The following THOC2 variants were observed in gnomAD, a reference collection of about 807,000 sequenced individuals.
THOC2 encodes the protein THO complex subunit 2, also known as THO complex 2.
THOC2 carries 10 observed loss-of-function variants against 128.4 expected under a neutral mutation model. The observed-to-expected ratio is 0.08, with a 90% confidence interval of 0.05 to 0.13. The LOEUF is 0.13. THOC2 is among the 10% of genes least tolerant of loss of function. THOC2 has a pLI of 1.00. For missense variants in THOC2, 535 were observed against 1,155.7 expected, an observed-to-expected ratio of 0.46 and a Z score of 7.79; for synonymous variants, 393 against 396.9, an observed-to-expected ratio of 0.99 and a Z score of 0.12.
intron 12 of THOC2, among the ~76,000 whole-genome samples, chrX:123,650,199 G>C (rs1351863335): frequency 9.0e-6 from 1 of 111,639 alleles, no homozygotes; most frequent in Non-Finnish European, 1.9e-5. Flanking sequence ...TTCATATCCA[G>C]CCAAACTAAG....
intron 4 of THOC2, among the ~76,000 whole-genome samples, chrX:123,698,457 CAAAA>C (rs763092017): frequency 5.5e-5 from 2 of 36,100 alleles, no homozygotes; most frequent in African/African-American, 9.6e-5. Flanking sequence ...GACTCTGTCT[CAAAA>C]AAAAAAAAAA....
chrX:123,609,143 T>C (rs2046601587), intron 38 of THOC2, among the ~76,000 whole-genome samples: 1 of 111,878 alleles, frequency 8.9e-6, no homozygotes, highest in Non-Finnish European at 1.9e-5. Context: ...GGTGGGCTTT[T>C]TGTTTTTCTT....
intron 16 of THOC2, among the ~76,000 whole-genome samples, chrX:123,640,320 T>C (rs1018511169): frequency 8.9e-6 from 1 of 111,899 alleles, no homozygotes; most frequent in Non-Finnish European, 1.9e-5. Context: ...CAAAATAACA[T>C]TATATATACA....
chrX:123,724,888 G>A (rs896315205), intron 1 of THOC2, among the ~76,000 whole-genome samples: 53 of 110,597 alleles, frequency 4.8e-4, no homozygotes, highest in African/African-American at 1.6e-3. Flanking sequence ...GACCAGCCTC[G>A]TAACGTGGTG....
At chrX:123,636,490 AG>A (rs752610303) in intron 18 of THOC2, among the ~76,000 whole-genome samples, 171 of 112,207 alleles carry the variant, frequency 1.5e-3, no homozygotes, top group African/African-American at 5.3e-3. Flanking sequence ...AAAGTAGAGC[AG>A]TAAGTCAAAT....
intron 17 of THOC2, among the ~76,000 whole-genome samples, chrX:123,638,666 CA>C (rs755670807): frequency 3.0e-4 from 30 of 101,322 alleles, no homozygotes; most frequent in Admixed American, 2.2e-4. Flanking sequence ...CTCACACACA[CA>C]AAAAAAAAAA....
At chrX:123,650,068 T>C (rs888739046) in intron 12 of THOC2, among the ~76,000 whole-genome samples, 12 of 111,587 alleles carry the variant, frequency 1.1e-4, no homozygotes, top group Non-Finnish European at 2.3e-4. Context: ...AAAGGTCGGG[T>C]TACCCACAAA....
At chrX:123,618,631 T>C (rs1419400950) in intron 33 of THOC2, among the ~76,000 whole-genome samples, 1 of 111,758 alleles carries the variant, frequency 8.9e-6, no homozygotes, top group East Asian at 2.8e-4. Context: ...TTGTAGCTTG[T>C]AAGAGGAGGC....
intron 8 of THOC2, among the ~76,000 whole-genome samples, chrX:123,684,887 T>G (rs868709052): frequency 6.2e-5 from 7 of 112,078 alleles, no homozygotes; most frequent in Middle Eastern, 4.6e-3. Flanking sequence ...TAAAAGGAAT[T>G]ATCTTATTAT....
intron 12 of THOC2, among the ~76,000 whole-genome samples, chrX:123,662,946 G>T (rs1355764136): frequency 8.9e-6 from 1 of 112,167 alleles, no homozygotes; most frequent in Non-Finnish European, 1.9e-5. Context: ...ACTTAAAAGA[G>T]TGACAACAAC....
intron 4 of THOC2, among the ~76,000 whole-genome samples, chrX:123,698,277 G>A (rs1271517796): frequency 1.8e-5 from 2 of 109,388 alleles, no homozygotes; most frequent in Non-Finnish European, 3.8e-5. Flanking sequence ...GACCAACATG[G>A]TGAAACCCTG....
Position 123,632,969 on chromosome X carries a change from A to G in THOC2, c.2208T>C (p.His736=), listed in dbSNP as rs756959252. ...GCAGACAGAGAGGAAGGGCAAGATC[A>G]TGGTCCAATAGAGCATCCTTTAATC... ...SQRLKDALLD[H]DLALPLCLLM... Residue 736 remains histidine, a synonymous_variant, in exon 21 of 39, where the codon CAT becomes CAC. Coordinates refer to ENST00000245838, the MANE Select transcript of THOC2 (RefSeq NM_001081550.2). 2 of 1,209,444 alleles carry G rather than the reference A, an allele frequency of 1.7e-6. No homozygotes were observed. Among genetic ancestry groups the G allele is most frequent in the Non-Finnish European group, 2.2e-6 (2 of 893,487 alleles).
At chrX:123,647,445 G>GCATT (rs199902229) in intron 12 of THOC2, among the ~76,000 whole-genome samples, 2,710 of 111,054 alleles carry the variant, frequency 0.024, 81 homozygotes, top group African/African-American at 0.083. Context: ...CAAGAGACAT[G>GCATT]CATTCATTCA....
chrX:123,612,333 A>T (rs1193763490), intron 36 of THOC2, among the ~76,000 whole-genome samples: 1 of 112,341 alleles, frequency 8.9e-6, no homozygotes, highest in Admixed American at 9.4e-5. Flanking sequence ...CATATAATGA[A>T]ATATTACTTA....
chrX:123,667,044 C>A (rs1362921637), intron 11 of THOC2, 62 bp downstream of exon 11: 13 of 801,880 alleles, frequency 1.6e-5, no homozygotes, highest in Non-Finnish European at 2.3e-5. Flanking sequence ...GATAAATATA[C>A]ATTTTGTTGT....
chrX:123,690,046 A>C (rs2050157333), intron 7 of THOC2, among the ~76,000 whole-genome samples: 1 of 111,504 alleles, frequency 9.0e-6, no homozygotes, highest in Non-Finnish European at 1.9e-5. Context: ...ACAAACACAC[A>C]CACATATGCC....
At chrX:123,622,193 T>C (rs1304325784) in intron 30 of THOC2, among the ~76,000 whole-genome samples, 1 of 111,012 alleles carries the variant, frequency 9.0e-6, no homozygotes, top group Non-Finnish European at 1.9e-5. Flanking sequence ...AGGCCAGGAG[T>C]TTGAGACCAG....
At chrX:123,606,259 G>A (rs1299893439) in intron 38 of THOC2, among the ~76,000 whole-genome samples, 1 of 99,693 alleles carries the variant, frequency 1.0e-5, no homozygotes, top group Non-Finnish European at 2.0e-5. Context: ...GCAATATAGT[G>A]AGACCTCGTC....
chrX:123,617,009 G>A (rs763345604), intron 33 of THOC2, among the ~76,000 whole-genome samples: 2 of 110,750 alleles, frequency 1.8e-5, no homozygotes, highest in African/African-American at 3.3e-5. Flanking sequence ...AAATAGATGC[G>A]TATCTTCCAA....
Sources: allele counts gnomAD v4.1 joint callset (sites outside exome capture counted in the v4.1 genomes callset), GRCh38; gene constraint gnomAD v4.1.1; transcripts MANE v1.5; gene names NCBI Gene and HGNC (gene_info 2026-07-23, HGNC 2026-07-21).